HMCN1: variants seen among roughly 807,000 people sequenced by gnomAD.
The protein encoded by HMCN1 is hemicentin 1.
A neutral mutation model predicts 625.9 loss-of-function variants in HMCN1; 321 were observed. The ratio of observed to expected loss-of-function variants is 0.51; its 90% confidence interval spans 0.47 to 0.56. The LOEUF is 0.56. Ranked by LOEUF, HMCN1 falls within the 20% of genes least tolerant of loss-of-function variation. The pLI, the probability that HMCN1 is intolerant of heterozygous loss-of-function variation, is 0.00. For synonymous variants in HMCN1, 2,425 were observed against 2,417.6 expected, an observed-to-expected ratio of 1.00 and a Z score of -0.09; for missense variants, 6,588 against 6,887.3, an observed-to-expected ratio of 0.96 and a Z score of 1.54.
chr1:186,026,360 TTCCAATTACTGTAGGTA>T (rs1349218966), intron 36 of HMCN1, among the ~76,000 whole-genome samples: 1 of 152,210 alleles, frequency 6.6e-6, no homozygotes, highest in Non-Finnish European at 1.5e-5. Context: ...ATTTGGTTTG[TTCCAATTACTGTAGGTA>T]TGAGAATTTA....
intron 95 of HMCN1, 48 bp downstream of exon 95, chr1:186,151,791 G>A (rs770809744): frequency 8.3e-6 from 13 of 1,571,150 alleles, no homozygotes; most frequent in Non-Finnish European, 1.0e-5. Context: ...AAAGTGCCAT[G>A]AAGATAGGTG....
chr1:185,799,136 C>T (rs1346091845), intron 1 of HMCN1, among the ~76,000 whole-genome samples: 2 of 152,064 alleles, frequency 1.3e-5, no homozygotes, highest in Non-Finnish European at 2.9e-5. Flanking sequence ...CGTATAAGTT[C>T]CTTGGTTATA....
chr1:185,958,778 ATTAT>A (rs1419750618), intron 11 of HMCN1, among the ~76,000 whole-genome samples: 1 of 152,176 alleles, frequency 6.6e-6, no homozygotes, highest in Non-Finnish European at 1.5e-5. Context: ...GACTAGGCAA[ATTAT>A]TTAACCATTT....
At chr1:186,048,004 A>T (rs899855983) in intron 41 of HMCN1, among the ~76,000 whole-genome samples, 1 of 152,120 alleles carries the variant, frequency 6.6e-6, no homozygotes, top group Non-Finnish European at 1.5e-5. Flanking sequence ...ACTGCTTGTT[A>T]TATCTTTTGT....
intron 1 of HMCN1, among the ~76,000 whole-genome samples, chr1:185,747,948 T>A (rs1014843175): frequency 6.6e-6 from 1 of 151,936 alleles, no homozygotes; most frequent in Admixed American, 6.6e-5. Flanking sequence ...GTAACCTTTA[T>A]GCTCTTGCCA....
chr1:185,850,657 TA>T (rs1225283738), intron 2 of HMCN1, among the ~76,000 whole-genome samples: 3 of 152,164 alleles, frequency 2.0e-5, no homozygotes, highest in Non-Finnish European at 4.4e-5. Flanking sequence ...TCTATAAGAT[TA>T]TATAATTTTA....
In HMCN1 at chr1:186,087,959, A is replaced by G. The variant is rs1461759272; in HGVS notation, c.9391A>G (p.Arg3131Gly). ...EVSDTGQYVC[R>G]AINVAGRDDK... ...ATCTGACACAGGCCAGTATGTATGTAGAGCTATAAATGTAGCAGGACGGGA... is the reference window on the plus strand; with the variant it reads ...ATCTGACACAGGCCAGTATGTATGTGGAGCTATAAATGTAGCAGGACGGGA... The change falls in exon 61 of 107, where the codon AGA becomes GGA. Residue 3131 changes from arginine to glycine, a missense_variant. This residue lies in a region of HMCN1 where 4,628 missense variants were observed against 4,853.1 expected (regional missense o/e 0.95). Coordinates refer to ENST00000271588, the MANE Select transcript of HMCN1 (RefSeq NM_031935.3). 1 of 1,613,106 alleles carries G rather than the reference A, an allele frequency of 6.2e-7. No individual in the cohort carries two copies. The highest frequency in any genetic ancestry group is 1.3e-5 in the African/African-American group (1 of 74,984).
chr1:185,794,343 T>TCATATATATATATATATATATATATATA (rs544015735), intron 1 of HMCN1, among the ~76,000 whole-genome samples: 52 of 147,690 alleles, frequency 3.5e-4, no homozygotes, highest in South Asian at 4.3e-4. Context: ...AGAGGATAGA[T>TCATATATATATATATATATATATATATA]TATATATATA....
At chr1:185,893,374 C>G (rs1477332359) in intron 4 of HMCN1, among the ~76,000 whole-genome samples, 1 of 152,180 alleles carries the variant, frequency 6.6e-6, no homozygotes, top group Non-Finnish European at 1.5e-5. Flanking sequence ...ATTTTACAAT[C>G]AGTGGCGTAT....
chr1:186,012,275 A>C (rs1238785384), intron 30 of HMCN1, among the ~76,000 whole-genome samples: 1 of 152,058 alleles, frequency 6.6e-6, no homozygotes, highest in Non-Finnish European at 1.5e-5. Flanking sequence ...AATTGTAACA[A>C]ATCTTAAAAG....
chr1:186,132,544 G>T, intron 86 of HMCN1, 135 bp downstream of exon 86: 1 of 718,154 alleles, frequency 1.4e-6, no homozygotes, highest in Non-Finnish European at 2.5e-6. Flanking sequence ...GTTTTCTGCT[G>T]CTGATGGAGC....
rs1651701886 is a variant in HMCN1 at position 185,982,353 on chromosome 1, C to G, written c.2754C>G (p.Pro918=). ...CCTGTACTCTGTTAGCTGGAAATCC[C>G]ATTCCAGAACGTCGGTGGATTAAGA... ...TLPCTLLAGN[P]IPERRWIKNS... is the part of the protein sequence containing the mutation. Residue 918 remains proline, a synonymous_variant, in exon 18 of 107, where the codon CCC becomes CCG. Coordinates refer to ENST00000271588, the MANE Select transcript of HMCN1 (RefSeq NM_031935.3). 1 of 1,613,222 alleles carries G rather than the reference C, an allele frequency of 6.2e-7. No individual in the cohort carries two copies. Among genetic ancestry groups the G allele is most frequent in the East Asian group, 2.2e-5 (1 of 44,868 alleles).
At chr1:186,023,961 G>T (rs1654891737) in intron 36 of HMCN1, among the ~76,000 whole-genome samples, 1 of 152,124 alleles carries the variant, frequency 6.6e-6, no homozygotes, top group Admixed American at 6.6e-5. Flanking sequence ...GAATGAAAAA[G>T]TTTTCATTGG....
intron 2 of HMCN1, among the ~76,000 whole-genome samples, chr1:185,854,434 G>A (rs988634617): frequency 4.0e-4 from 61 of 152,156 alleles, no homozygotes; most frequent in African/African-American, 1.4e-3. Context: ...ACTAGTTAAA[G>A]ATTTGATAGC....
At position 185,952,308 on chromosome 1, in the gene HMCN1, A is replaced by G. The variant is rs554315155; in HGVS notation, c.1829-10210A>G. ...TAAAAAGATTATAGGGTGGAGGAGC[A>G]GAGGCTGAGGAAGAATTGGGACCTA... On this transcript the variant is annotated intron_variant, in intron 11 of 106. Coordinates refer to ENST00000271588, the MANE Select transcript of HMCN1 (RefSeq NM_031935.3). Among the ~76,000 whole-genome samples the G allele has an allele frequency of 5.2e-4, 79 of 151,720 alleles. 1 individual carries two copies. The highest frequency in any genetic ancestry group is 1.0e-3 in the African/African-American group (43 of 41,144).
rs557887846 is a variant in HMCN1 at position 186,110,977 on chromosome 1, C to CTTTTTTTTTTTTT, written c.10990-1826_10990-1814dup. ...TACGGAAGAAAAACCAGAGAAAATT[C>CTTTTTTTTTTTTT]TTTTTTTTTTTTTTTTTTTTTGAGA... On this transcript the variant is annotated intron_variant, in intron 71 of 106. Transcript: ENST00000271588. Among the ~76,000 whole-genome samples the CTTTTTTTTTTTTT allele has an allele frequency of 6.3e-3, 390 of 61,610 alleles. 91 individuals carry two copies. The highest frequency in any genetic ancestry group is 0.021 in the African/African-American group (212 of 10,184). 40.4% of individuals were successfully genotyped at this position (61,610 alleles called of 152,430 possible).
At chr1:185,860,743 T>A (rs1212419548) in intron 2 of HMCN1, among the ~76,000 whole-genome samples, 1 of 152,252 alleles carries the variant, frequency 6.6e-6, no homozygotes, top group South Asian at 2.1e-4. Flanking sequence ...AATAAAAGGA[T>A]ATTTGTGAAA....
intron 11 of HMCN1, among the ~76,000 whole-genome samples, chr1:185,934,863 C>G (rs1313996221): frequency 6.6e-6 from 1 of 152,090 alleles, no homozygotes; most frequent in Non-Finnish European, 1.5e-5. Context: ...GACAGAAAAG[C>G]GAAACTACCA....
intron 15 of HMCN1, among the ~76,000 whole-genome samples, chr1:185,977,481 T>A (rs2101988866): frequency 6.6e-6 from 1 of 152,288 alleles, no homozygotes; most frequent in South Asian, 2.1e-4. Context: ...AAACTGAAAT[T>A]GAAAACAAAT....
Sources: gnomAD v4.1 joint callset for allele counts (sites outside exome capture counted in the v4.1 genomes callset) on GRCh38, gnomAD v4.1.1 for gene constraint, gnomAD v4.1.1 regional missense constraint, MANE v1.5 for transcripts, NCBI Gene and HGNC (gene_info 2026-07-23, HGNC 2026-07-21) for gene names.